The following NSD1 variants were observed in gnomAD, a reference collection of about 807,000 sequenced individuals.
NSD1 encodes the protein nuclear receptor binding SET domain protein 1, also known as histone-lysine N-methyltransferase, H3 lysine-36 specific.
NSD1 carries 26 observed loss-of-function variants against 242.7 expected under a neutral mutation model. The ratio of observed to expected loss-of-function variants is 0.11; its 90% CI spans 0.08 to 0.15. NSD1 has a LOEUF of 0.15. NSD1 is among the 10% of genes least tolerant of loss of function. The pLI is 1.00. For missense variants in NSD1, 2,495 were observed against 3,272.8 expected (o/e 0.76, Z 5.80); for synonymous variants, 1,106 against 1,178.1 (o/e 0.94, Z 1.25).
chr5:177,144,382 G>T (rs200372537), intron 2 of NSD1, among the ~76,000 whole-genome samples: 2 of 149,008 alleles, frequency 1.3e-5, no homozygotes, highest in African/African-American at 4.9e-5. Context: ...CTAAGTTTTT[G>T]TTTTTTTTTT....
intron 16 of NSD1, among the ~76,000 whole-genome samples, chr5:177,271,449 C>G (rs1273786309): frequency 6.6e-6 from 1 of 152,120 alleles, no homozygotes; most frequent in Non-Finnish European, 1.5e-5. Flanking sequence ...AACTGAGGCA[C>G]ATTAATGTTA....
In NSD1 at chr5:177,294,041, C is replaced by T. The variant is rs1418961998; in HGVS notation, c.6673C>T (p.Pro2225Ser). ...PGEIREYVPP[P>S]VPLPPGPSTH... Reference sequence around the variant, plus strand: ...GGAGATCCGTGAGTATGTGCCTCCCCCAGTACCGCTGCCTCCAGGGCCAAG... The same window carrying T: ...GGAGATCCGTGAGTATGTGCCTCCCTCAGTACCGCTGCCTCCAGGGCCAAG... Residue 2225 changes from proline to serine, a missense_variant, in exon 23 of 23, where the codon CCA (proline) becomes TCA (serine). Pro to Ser is a moderately conservative substitution (Grantham distance 74). This residue lies in a region of NSD1 where 475 missense variants were observed against 563.7 expected (regional missense o/e 0.84). Transcript: ENST00000439151. 1 of 1,614,090 alleles carries T rather than the reference C, an allele frequency of 6.2e-7. No individual in the cohort carries two copies. Among genetic ancestry groups the T allele is most frequent in the Non-Finnish European group, 8.5e-7 (1 of 1,180,016 alleles).
intron 5 of NSD1, among the ~76,000 whole-genome samples, chr5:177,219,859 G>A (rs921532523): frequency 6.6e-6 from 1 of 152,146 alleles, no homozygotes; most frequent in Non-Finnish European, 1.5e-5. Flanking sequence ...CTACTCAGGA[G>A]GCTGAGGCAC....
At chr5:177,240,207 C>A (rs183046671) in intron 8 of NSD1, among the ~76,000 whole-genome samples, 1 of 152,072 alleles carries the variant, frequency 6.6e-6, no homozygotes, top group East Asian at 1.9e-4. Context: ...AGTCTACTCT[C>A]CTATTGCCGT....
intron 2 of NSD1, chr5:177,136,892 G>T (rs1756384260): frequency 2.9e-6 from 2 of 700,028 alleles, no homozygotes; most frequent in South Asian, 1.5e-5. Context: ...TTGTCATGTT[G>T]CCCAGGCTGG....
intron 2 of NSD1, chr5:177,136,783 T>TG (rs1401302323): frequency 3.5e-6 from 2 of 579,222 alleles, no homozygotes; most frequent in Admixed American, 2.9e-5. Context: ...CATTAGCTCT[T>TG]GAAGTTTTTC....
At chr5:177,168,083 T>C (rs1212497440) in intron 2 of NSD1, among the ~76,000 whole-genome samples, 1 of 152,212 alleles carries the variant, frequency 6.6e-6, no homozygotes, top group African/African-American at 2.4e-5. Context: ...ATTGCCATTT[T>C]AACAACACAG....
At chr5:177,275,594 G>A (rs978817923) in intron 17 of NSD1, among the ~76,000 whole-genome samples, 13 of 151,028 alleles carry the variant, frequency 8.6e-5, no homozygotes, top group Non-Finnish European at 1.6e-4. Flanking sequence ...CCACCACACC[G>A]GGCTAATTTT....
At chr5:177,259,511 G>A (rs1264295421) in intron 13 of NSD1, among the ~76,000 whole-genome samples, 3 of 152,104 alleles carry the variant, frequency 2.0e-5, no homozygotes, top group Non-Finnish European at 2.9e-5. Context: ...CTACCTTCTC[G>A]TTTTTAATTG....
At chr5:177,156,389 C>T (rs1346074461) in intron 2 of NSD1, among the ~76,000 whole-genome samples, 1 of 152,052 alleles carries the variant, frequency 6.6e-6, no homozygotes, top group Non-Finnish European at 1.5e-5. Context: ...CCATGTTGGC[C>T]AGGATGGTCT....
intron 2 of NSD1, among the ~76,000 whole-genome samples, chr5:177,158,952 A>G (rs1758440415): frequency 7.0e-6 from 1 of 143,558 alleles, no homozygotes; most frequent in South Asian, 2.1e-4. Context: ...ATATACACAC[A>G]TATATATATA....
chr5:177,211,117 A>G lies in NSD1; in HGVS notation c.2718A>G (p.Lys906=). Residue 906 remains lysine, a synonymous_variant, in exon 5 of 23, where the codon AAA becomes AAG. Transcript: ENST00000439151. ...ACATACCTATTGAACCAGACTACAA[A>G]TTCAGTACATTGCTAATGATGTTGA... ...QNHIPIEPDY[K]FSTLLMMLKD... is the part of the protein sequence containing the mutation. 1.9e-6 allele frequency: 3 copies of G among 1,614,178 alleles called. No homozygotes were observed. The highest frequency in any genetic ancestry group is 1.3e-5 in the African/African-American group (1 of 75,044).
In NSD1 at chr5:177,135,101, A is replaced by G. The variant is rs2149755138; in HGVS notation, c.-3A>G. The G allele has an allele frequency of 6.2e-7, 1 of 1,614,190 alleles. No homozygotes were observed. The highest frequency in any genetic ancestry group is 8.5e-7 in the Non-Finnish European group (1 of 1,179,998). ...TTGGATTCCAGGTTGATGCCGGCCC[A>G]GGATGGATCAGACCTGTGAACTACC... On this transcript the variant is annotated 5_prime_UTR_variant, in exon 2 of 23. Coordinates refer to ENST00000439151, the MANE Select transcript of NSD1 (RefSeq NM_022455.5).
At chr5:177,258,069 C>T (rs1450921964) in intron 13 of NSD1, among the ~76,000 whole-genome samples, 5 of 149,308 alleles carry the variant, frequency 3.3e-5, no homozygotes, top group African/African-American at 1.2e-4. Flanking sequence ...CAACCTCTGC[C>T]TCCCGGGTTC....
At chr5:177,271,493 G>C (rs934377278) in intron 16 of NSD1, among the ~76,000 whole-genome samples, 1 of 152,140 alleles carries the variant, frequency 6.6e-6, no homozygotes, top group Non-Finnish European at 1.5e-5. Context: ...ACCAGTAAGT[G>C]ATAGAGGAAT....
At chr5:177,137,204 A>G (rs757433100) in intron 2 of NSD1, 9 of 324,948 alleles carry the variant, frequency 2.8e-5, no homozygotes, top group Non-Finnish European at 5.0e-5. Context: ...CTTGATTGCT[A>G]TAAGATTCCT....
At chr5:177,156,458 C>T (rs1211706271) in intron 2 of NSD1, among the ~76,000 whole-genome samples, 1 of 152,108 alleles carries the variant, frequency 6.6e-6, no homozygotes, top group Admixed American at 6.6e-5. Flanking sequence ...GAATTACAGG[C>T]GTAAGCCTCC....
rs770893683 is a variant in NSD1 at position 177,135,447 on chromosome 5, C to G, written c.344C>G (p.Ser115Cys). The G allele has an allele frequency of 6.2e-7, 1 of 1,614,194 alleles. No individual in the cohort carries two copies. Among genetic ancestry groups the G allele is most frequent in the South Asian group, 1.1e-5 (1 of 91,080 alleles). Residue 115 changes from serine (S) to cysteine (C), a missense_variant, in exon 2 of 23, where the codon TCC becomes TGC. Coordinates refer to ENST00000439151, the MANE Select transcript of NSD1 (RefSeq NM_022455.5). The part of the protein sequence containing the change: ...SRAQTPIVCT[S>C]LSPGGPTALA... ...GCTCAGACGCCAATTGTTTGCACTT[C>G]CTTGAGTCCTGGTGGTCCTACAGCA...
intron 6 of NSD1, 138 bp downstream of exon 6, chr5:177,236,083 T>G: frequency 1.2e-6 from 1 of 864,426 alleles, no homozygotes; most frequent in Admixed American, 2.3e-5. Context: ...TCTAGCACAG[T>G]ACTTAGGATT....
Sources: gnomAD v4.1 joint callset for allele counts (sites outside exome capture counted in the v4.1 genomes callset) on GRCh38, gnomAD v4.1.1 for gene constraint, gnomAD v4.1.1 regional missense constraint, MANE v1.5 for transcripts, NCBI Gene and HGNC (gene_info 2026-07-23, HGNC 2026-07-21) for gene names.